Variants in STK31 observed in about 807,000 individuals in gnomAD.
STK31 encodes the protein serine/threonine-protein kinase 31.
In STK31, 89 loss-of-function variants were observed where a neutral mutation model predicts 129.7. That is an observed-to-expected ratio of 0.69 (90% confidence interval 0.58 to 0.82). The LOEUF is 0.82. STK31 is among the 40% of genes least tolerant of loss of function. The pLI, the probability that STK31 is intolerant of heterozygous loss-of-function variation, is 0.00. For missense variants in STK31, 1,187 were observed against 1,176.4 expected (o/e 1.01, Z -0.13); for synonymous variants, 448 against 395.3 (o/e 1.13, Z -1.58).
chr7:23,711,403 C>T (rs889906674), intron 1 of STK31, among the ~76,000 whole-genome samples: 2 of 149,424 alleles, frequency 1.3e-5, no homozygotes, highest in Non-Finnish European at 3.0e-5. Flanking sequence ...CCAGCCTGAG[C>T]GACAGAGCAA....
intron 10 of STK31, among the ~76,000 whole-genome samples, chr7:23,760,928 AG>A (rs1489054072): frequency 6.6e-6 from 1 of 152,154 alleles, no homozygotes; most frequent in Non-Finnish European, 1.5e-5. Context: ...GGCCTCCCAA[AG>A]TCCTGGGATT....
chr7:23,816,858 G>A (rs1214185325), intron 23 of STK31, among the ~76,000 whole-genome samples: 2 of 152,092 alleles, frequency 1.3e-5, no homozygotes, highest in Admixed American at 1.3e-4. Context: ...AGAAGGTTGG[G>A]GTCTTGGGGC....
intron 22 of STK31, among the ~76,000 whole-genome samples, chr7:23,810,802 A>G (rs1020615073): frequency 1.4e-5 from 2 of 138,296 alleles, no homozygotes; most frequent in Admixed American, 7.6e-5. Flanking sequence ...ATAAATATGT[A>G]TATATATTTG....
chr7:23,747,077 A>C (rs1441849479), intron 8 of STK31, among the ~76,000 whole-genome samples: 1 of 151,842 alleles, frequency 6.6e-6, no homozygotes, highest in African/African-American at 2.4e-5. Context: ...TCAGTTTTCT[A>C]ATTTTTTGGA....
At position 23,754,530 on chromosome 7, in the gene STK31, T is replaced by C. The variant is rs1788933195; in HGVS notation, c.1293+56T>C. 4.7e-6 allele frequency: 7 copies of C among 1,498,956 alleles called. No individual in the cohort carries two copies. In the East Asian group the frequency reaches 1.6e-4, roughly 35 times the overall value. 92.9% of individuals were successfully genotyped at this position (1,498,956 alleles called of 1,614,324 possible). A position where few individuals can be genotyped will look rare whatever the true frequency, so the allele number is the denominator to read the frequency against. On this transcript the variant is annotated intron_variant, in intron 10 of 23. Transcript: ENST00000355870. ...TTTATCTGTTGAACATAAGGAAGTGTTTTTTTAATTTCTTCTAAAAAAAAT... is the reference window on the plus strand; with the variant it reads ...TTTATCTGTTGAACATAAGGAAGTGCTTTTTTAATTTCTTCTAAAAAAAAT...
intron 3 of STK31, among the ~76,000 whole-genome samples, chr7:23,713,051 T>C (rs568479616): frequency 6.6e-6 from 1 of 152,254 alleles, no homozygotes; most frequent in African/African-American, 2.4e-5. Context: ...TTCTTAAATA[T>C]ATAGTCATGC....
intron 22 of STK31, among the ~76,000 whole-genome samples, chr7:23,807,509 T>C (rs543767815): frequency 6.6e-6 from 1 of 152,298 alleles, no homozygotes; most frequent in South Asian, 2.1e-4. Flanking sequence ...TATTATGGTA[T>C]GTAGTGGCAT....
Position 23,825,905 on chromosome 7 carries a change from G to A in STK31, c.2830-6231G>A, listed in dbSNP as rs552207564. Reference sequence around the variant, plus strand: ...TTGTTCAGTTTCCATGTAGTTGAGTGGTTTTGAGTGAGTTTCTTAATCCTG... The same window carrying A: ...TTGTTCAGTTTCCATGTAGTTGAGTAGTTTTGAGTGAGTTTCTTAATCCTG... On this transcript the variant is annotated intron_variant, in intron 23 of 23. Coordinates refer to ENST00000355870, the MANE Select transcript of STK31 (RefSeq NM_031414.5). Among the ~76,000 whole-genome samples, 265 of 152,066 alleles carry A rather than the reference G, an allele frequency of 1.7e-3. 1 individual carries two copies. The highest frequency in any genetic ancestry group is 6.1e-3 in the African/African-American group (255 of 41,518).
Position 23,820,902 on chromosome 7 carries a change from AATAG to A in STK31, c.2829+5691_2829+5694del, listed in dbSNP as rs1335328478. 2.6e-5 allele frequency among the ~76,000 whole-genome samples: 4 copies of A among 152,174 alleles called. No individual in the cohort carries two copies. In the East Asian group the frequency reaches 7.7e-4, roughly 29 times the overall value. On this transcript the variant is annotated intron_variant, in intron 23 of 23. Transcript: ENST00000355870. ...TTCCACATTTTCTTTATATTTCTTT[AATAG>A]TGTTCCACATTGTCTTTTTCCATTT... is the stretch of plus-strand genomic sequence containing the variant.
At chr7:23,761,602 A>G (rs1177522697) in intron 10 of STK31, among the ~76,000 whole-genome samples, 2 of 151,338 alleles carry the variant, frequency 1.3e-5, no homozygotes, top group South Asian at 2.1e-4. Flanking sequence ...TTGTATTTTT[A>G]GTAGAGATGG....
intron 23 of STK31, among the ~76,000 whole-genome samples, chr7:23,823,161 G>A (rs1793895690): frequency 6.6e-6 from 1 of 152,186 alleles, no homozygotes; most frequent in African/African-American, 2.4e-5. Context: ...AGATCCCTGA[G>A]GAATTGCCAC....
chr7:23,797,851 A>G (rs1792073020), intron 22 of STK31, among the ~76,000 whole-genome samples: 1 of 152,150 alleles, frequency 6.6e-6, no homozygotes, highest in Non-Finnish European at 1.5e-5. Context: ...TTAACAAAAT[A>G]GATAGACCAC....
chr7:23,762,745 A>G, intron 10 of STK31, 56 bp from the exon 11 acceptor site: 2 of 1,586,656 alleles, frequency 1.3e-6, no homozygotes, highest in Non-Finnish European at 1.7e-6. Context: ...CATATAGGTC[A>G]TATGCGGAAA....
In STK31 at chr7:23,743,142, C is replaced by T. The variant is rs1014479466; in HGVS notation, c.1017+6064C>T. 2.6e-4 allele frequency among the ~76,000 whole-genome samples: 39 copies of T among 148,820 alleles called. 1 individual carries two copies. Among genetic ancestry groups the T allele is most frequent in the African/African-American group, 3.9e-4 (16 of 41,202 alleles). ...TAATTTTTGTACTTTTTAGTAGAAACGGGGTTTCACCATGTTGGCCAGGCT... is the reference window on the plus strand; with the variant it reads ...TAATTTTTGTACTTTTTAGTAGAAATGGGGTTTCACCATGTTGGCCAGGCT... On this transcript the variant is annotated intron_variant, in intron 8 of 23. Coordinates refer to ENST00000355870, the MANE Select transcript of STK31 (RefSeq NM_031414.5).
At chr7:23,716,440 G>A (rs1584316339) in intron 3 of STK31, among the ~76,000 whole-genome samples, 1 of 152,160 alleles carries the variant, frequency 6.6e-6, no homozygotes, top group South Asian at 2.1e-4. Context: ...ATTAATTAAT[G>A]TTTTAGGAGA....
At position 23,759,954 on chromosome 7, in the gene STK31, T is replaced by C. The variant is rs1053726420; in HGVS notation, c.1294-2847T>C. The stretch of plus-strand genomic sequence containing the variant: ...ATGCTAATGTGGAACTTTTCTGGTC[T>C]GAGTGGTGTGTTTTATGCATGTAAG... On this transcript the variant is annotated intron_variant, in intron 10 of 23. Transcript: ENST00000355870. 2.6e-5 allele frequency among the ~76,000 whole-genome samples: 4 copies of C among 152,230 alleles called. No individual in the cohort carries two copies. In the East Asian group the frequency reaches 7.7e-4, roughly 29 times the overall value.
rs533235100 is a variant in STK31 at position 23,803,348 on chromosome 7, C to T, written c.2761-11796C>T. ...CAAGGCCATGAAGGGATTACTGTCA[C>T]TTTGTCTTTAAAAAAATTTTAGAAA... On this transcript the variant is annotated intron_variant, in intron 22 of 23. Coordinates refer to ENST00000355870, the MANE Select transcript of STK31 (RefSeq NM_031414.5). Among the ~76,000 whole-genome samples, 10 of 152,218 alleles carry T rather than the reference C, an allele frequency of 6.6e-5. No individual in the cohort carries two copies. In the South Asian group the frequency reaches 2.1e-3, roughly 32 times the overall value.
intron 22 of STK31, among the ~76,000 whole-genome samples, chr7:23,804,005 C>G (rs899495203): frequency 6.6e-6 from 1 of 152,116 alleles, no homozygotes; most frequent in African/African-American, 2.4e-5. Context: ...AATTGTGTTT[C>G]TGTGTGTGTT....
chr7:23,739,415 C>T (rs1787921103), intron 8 of STK31, among the ~76,000 whole-genome samples: 1 of 152,146 alleles, frequency 6.6e-6, no homozygotes. Context: ...TTCTCCCATT[C>T]TGTAGGTTGC....
Sources: allele counts gnomAD v4.1 joint callset (sites outside exome capture counted in the v4.1 genomes callset), GRCh38; gene constraint gnomAD v4.1.1; transcripts MANE v1.5; gene names NCBI Gene and HGNC (gene_info 2026-07-23, HGNC 2026-07-21).